The following WWOX variants were observed in gnomAD, a reference collection of about 807,000 sequenced individuals.
WWOX encodes WW domain containing oxidoreductase.
WWOX carries 69 observed loss-of-function variants against 46.2 expected under a neutral mutation model. The observed-to-expected ratio is 1.49, with a 90% CI of 1.23 to 1.82. The LOEUF (loss-of-function observed/expected upper bound fraction) is 1.82. WWOX is among the 40% of genes most tolerant of loss of function. WWOX has a pLI of 0.00. For synonymous variants in WWOX, 359 were observed against 202.6 expected, an observed-to-expected ratio of 1.77 and a Z score of -6.56; for missense variants, 919 against 542.6, an observed-to-expected ratio of 1.69 and a Z score of -6.89.
At chr16:78,741,287 G>A (rs750714348) in intron 8 of WWOX, among the ~76,000 whole-genome samples, 11 of 152,188 alleles carry the variant, frequency 7.2e-5, no homozygotes, top group South Asian at 2.1e-4. Flanking sequence ...CTGGTCAGGC[G>A]CGGTGGCTCA....
intron 8 of WWOX, among the ~76,000 whole-genome samples, chr16:78,445,900 A>AG (rs141192694): frequency 0.03 from 3,949 of 132,296 alleles, 88 homozygotes; most frequent in South Asian, 0.14. Flanking sequence ...AGGGCAGGGG[A>AG]GGGGGGAAAG....
chr16:78,782,390 C>T (rs191065939), intron 8 of WWOX, among the ~76,000 whole-genome samples: 157 of 152,294 alleles, frequency 1.0e-3, no homozygotes, highest in Non-Finnish European at 1.4e-3. Context: ...TTCTCTTTCC[C>T]ACAATCTAGG....
chr16:78,543,152 T>G (rs1448471418), intron 8 of WWOX, among the ~76,000 whole-genome samples: 1 of 152,188 alleles, frequency 6.6e-6, no homozygotes, highest in Non-Finnish European at 1.5e-5. Context: ...GACCCGGACT[T>G]ATAGAGTCTG....
Position 79,122,064 on chromosome 16 carries a change from A to C in WWOX, c.1057-89544A>C, listed in dbSNP as rs145588261. Reference sequence around the variant, plus strand: ...TGATGGGTCCCAGCTGTGCACACGCATGTAGGGTGTGAGGGTGTGTGCTCA... The same window carrying C: ...TGATGGGTCCCAGCTGTGCACACGCCTGTAGGGTGTGAGGGTGTGTGCTCA... On this transcript the variant is annotated intron_variant, in intron 8 of 8. Coordinates refer to ENST00000566780, the MANE Select transcript of WWOX (RefSeq NM_016373.4). 8.7e-4 allele frequency among the ~76,000 whole-genome samples: 133 copies of C among 152,280 alleles called. 1 individual carries two copies. In the East Asian group the frequency reaches 0.022, roughly 25 times the overall value.
At chr16:78,421,278 A>T (rs1373181688) in intron 6 of WWOX, among the ~76,000 whole-genome samples, 1 of 152,134 alleles carries the variant, frequency 6.6e-6, no homozygotes, top group Non-Finnish European at 1.5e-5. Flanking sequence ...TGGAGGCTGG[A>T]AGGAGCATCT....
chr16:78,210,208 C>T lies in WWOX; in HGVS notation c.516+45919C>T, dbSNP rs114778523. On this transcript the variant is annotated intron_variant, in intron 5 of 8. Transcript: ENST00000566780. ...TTCAAAGTACATCTATTCTAGCATT[C>T]CTCATTTTGAGCCAGGCTGTGGATC... Among the ~76,000 whole-genome samples, 861 of 152,258 alleles carry T rather than the reference C, an allele frequency of 5.7e-3. 8 individuals carry two copies. The highest frequency in any genetic ancestry group is 0.02 in the African/African-American group (819 of 41,552).
chr16:78,848,915 G>T (rs999926871), intron 8 of WWOX, among the ~76,000 whole-genome samples: 2 of 151,910 alleles, frequency 1.3e-5, no homozygotes, highest in African/African-American at 4.8e-5. Flanking sequence ...AAGTTAGTAC[G>T]CTTCTTTTTC....
chr16:78,668,554 C>T (rs2047387128), intron 8 of WWOX, among the ~76,000 whole-genome samples: 1 of 152,076 alleles, frequency 6.6e-6, no homozygotes, highest in Admixed American at 6.6e-5. Context: ...TTTAGTGTGG[C>T]AAGGGGCGTG....
intron 8 of WWOX, among the ~76,000 whole-genome samples, chr16:78,914,035 G>A (rs562025902): frequency 1.3e-5 from 2 of 152,062 alleles, no homozygotes; most frequent in South Asian, 4.1e-4. Flanking sequence ...GATCATCAGA[G>A]ATGAAAATGA....
intron 1 of WWOX, among the ~76,000 whole-genome samples, chr16:78,105,534 C>T (rs980204367): frequency 1.3e-5 from 2 of 151,616 alleles, no homozygotes; most frequent in African/African-American, 4.8e-5. Flanking sequence ...CAGGCATGTT[C>T]TGTGAAAGTC....
intron 5 of WWOX, among the ~76,000 whole-genome samples, chr16:78,308,881 G>T (rs914820308): frequency 2.0e-5 from 3 of 152,056 alleles, no homozygotes. Flanking sequence ...GAATCTACCT[G>T]ATACGGTTTG....
At position 78,692,913 on chromosome 16, in the gene WWOX, C is replaced by T. The variant is rs181606847; in HGVS notation, c.1056+260161C>T. On this transcript the variant is annotated intron_variant, in intron 8 of 8. Transcript: ENST00000566780. ...ATGAATATTCTGTAATAGAAGATATCGTTTGCATGGTGTTTTAAAGCTAAA... is the reference window on the plus strand; with the variant it reads ...ATGAATATTCTGTAATAGAAGATATTGTTTGCATGGTGTTTTAAAGCTAAA... Among the ~76,000 whole-genome samples the T allele has an allele frequency of 3.7e-4, 57 of 152,262 alleles. 1 individual carries two copies. The highest frequency in any genetic ancestry group is 1.4e-3 in the African/African-American group (57 of 41,540).
intron 8 of WWOX, among the ~76,000 whole-genome samples, chr16:79,164,331 T>C (rs1298915586): frequency 1.3e-5 from 2 of 152,140 alleles, no homozygotes; most frequent in Non-Finnish European, 2.9e-5. Flanking sequence ...AACGGGGAGA[T>C]GGCCATGATT....
Position 78,483,860 on chromosome 16 carries a change from C to T in WWOX, c.1056+51108C>T, listed in dbSNP as rs1253039187. 2.0e-5 allele frequency among the ~76,000 whole-genome samples: 3 copies of T among 152,124 alleles called. No homozygotes were observed. In the East Asian group the frequency reaches 5.8e-4, roughly 29 times the overall value. On this transcript the variant is annotated intron_variant, in intron 8 of 8. Coordinates refer to ENST00000566780, the MANE Select transcript of WWOX (RefSeq NM_016373.4). The stretch of plus-strand genomic sequence containing the variant: ...AGAAGAGCCAGCATCATGATGCAAG[C>T]ATTGACTTTGCTCACAAAAACATCT...
At chr16:78,307,586 C>G (rs1461853095) in intron 5 of WWOX, among the ~76,000 whole-genome samples, 1 of 152,132 alleles carries the variant, frequency 6.6e-6, no homozygotes, top group Admixed American at 6.5e-5. Flanking sequence ...TGTGCTGACA[C>G]CTTGATTTTT....
rs894535636 is a variant in WWOX at position 78,908,149 on chromosome 16, G to A, written c.1057-303459G>A. ...GGATTCTATGGCCAAGTGTGTGGCA[G>A]TGTCACAACTTAAGAGCCAGTGTAA... is the stretch of plus-strand genomic sequence containing the variant. On this transcript the variant is annotated intron_variant, in intron 8 of 8. Transcript: ENST00000566780. Among the ~76,000 whole-genome samples, 4 of 152,168 alleles carry A rather than the reference G, an allele frequency of 2.6e-5. No homozygotes were observed. In the South Asian group the frequency reaches 6.2e-4, roughly 24 times the overall value.
At chr16:79,118,937 A>G (rs961786644) in intron 8 of WWOX, among the ~76,000 whole-genome samples, 5 of 152,206 alleles carry the variant, frequency 3.3e-5, no homozygotes, top group Admixed American at 2.6e-4. Context: ...GGTCATTTAT[A>G]TGGTTTTAAA....
intron 8 of WWOX, among the ~76,000 whole-genome samples, chr16:79,109,686 A>G (rs992935264): frequency 3.3e-5 from 5 of 152,216 alleles, no homozygotes; most frequent in Admixed American, 3.3e-4. Context: ...TTCATTATTT[A>G]TCTCTAAATT....
At chr16:79,058,807 T>C (rs1417270680) in intron 8 of WWOX, among the ~76,000 whole-genome samples, 1 of 152,234 alleles carries the variant, frequency 6.6e-6, no homozygotes, top group Non-Finnish European at 1.5e-5. Context: ...TTGTTGTGTG[T>C]GTAAAATTCA....
Sources: gnomAD v4.1 joint callset for allele counts (sites outside exome capture counted in the v4.1 genomes callset) on GRCh38, gnomAD v4.1.1 for gene constraint, MANE v1.5 for transcripts, NCBI Gene and HGNC (gene_info 2026-07-23, HGNC 2026-07-21) for gene names.